SV2C: variants seen among roughly 807,000 people sequenced by gnomAD.
SV2C encodes the protein synaptic vesicle glycoprotein 2C, also known as solute carrier family 22 member B3.
SV2C carries 49 observed loss-of-function variants against 79.7 expected under a neutral mutation model. The observed-to-expected ratio is 0.61, with a 90% CI of 0.49 to 0.78. The LOEUF is 0.78. Ranked by LOEUF, SV2C falls within the 30% of genes least tolerant of loss-of-function variation. The pLI is 0.00. For missense variants in SV2C, 833 were observed against 912.9 expected (o/e 0.91, Z 1.13); for synonymous variants, 334 against 333.2 (o/e 1.00, Z -0.03).
At chr5:76,184,748 A>C (rs1249151207) in intron 2 of SV2C, among the ~76,000 whole-genome samples, 2 of 152,168 alleles carry the variant, frequency 1.3e-5, no homozygotes, top group African/African-American at 4.8e-5. Flanking sequence ...CACCCTTGAC[A>C]CGTGGGGATT....
At chr5:76,227,591 G>A (rs935138891) in intron 4 of SV2C, among the ~76,000 whole-genome samples, 2 of 152,176 alleles carry the variant, frequency 1.3e-5, no homozygotes, top group African/African-American at 4.8e-5. Flanking sequence ...GGCCAGAGCT[G>A]AAGTCTTAGT....
At chr5:76,048,813 GAAA>G in the SV2C span, among the ~76,000 whole-genome samples, 32,190 of 122,458 alleles carry the variant, frequency 0.26, 4,876 homozygotes, top group East Asian at 0.49. Context: ...TCCAGATTGT[GAAA>G]AAAAAAAAAA....
At chr5:75,905,448 T>C in the SV2C span, among the ~76,000 whole-genome samples, 4 of 152,064 alleles carry the variant, frequency 2.6e-5, no homozygotes, top group African/African-American at 9.7e-5. Flanking sequence ...ACTGGAAAAA[T>C]AAATAGCAGC....
At chr5:75,940,671 G>A in the SV2C span, among the ~76,000 whole-genome samples, 2 of 152,190 alleles carry the variant, frequency 1.3e-5, no homozygotes, top group Non-Finnish European at 1.5e-5. Flanking sequence ...GAGTTGACTT[G>A]TACCAAATCG....
chr5:75,993,389 G>A, the SV2C span, among the ~76,000 whole-genome samples: 9 of 151,984 alleles, frequency 5.9e-5, no homozygotes, highest in Non-Finnish European at 1.2e-4. Flanking sequence ...CTGTACTCAA[G>A]GGAGCGGGGA....
chr5:76,315,190 A>G (rs76547779), intron 12 of SV2C, among the ~76,000 whole-genome samples: 1,452 of 81,704 alleles, frequency 0.018, 8 homozygotes, highest in African/African-American at 0.035. Context: ...GGCCAGGCGC[A>G]CACACACACA....
At chr5:76,049,025 A>AAGAAAGAG in the SV2C span, among the ~76,000 whole-genome samples, 13 of 48,156 alleles carry the variant, frequency 2.7e-4, no homozygotes, top group Non-Finnish European at 1.5e-4. Context: ...GAAAGAAAGA[A>AAGAAAGAG]AAAGAAAAGA....
At chr5:75,929,726 A>G in the SV2C span, among the ~76,000 whole-genome samples, 2 of 152,192 alleles carry the variant, frequency 1.3e-5, no homozygotes. Flanking sequence ...GAGCTTCTAC[A>G]TGCCAGCTAC....
rs193012273 is a variant in SV2C at position 76,203,958 on chromosome 5, A to G, written c.762-5778A>G. Among the ~76,000 whole-genome samples, 5 of 152,306 alleles carry G rather than the reference A, an allele frequency of 3.3e-5. No individual in the cohort carries two copies. In the East Asian group the frequency reaches 5.8e-4, roughly 18 times the overall value. On this transcript the variant is annotated intron_variant, in intron 3 of 12. Coordinates refer to ENST00000502798, the MANE Select transcript of SV2C (RefSeq NM_014979.4). ...CAGTATGTGTTTTTCTCCCATTTCT[A>G]TCTTTATCACTGATAGCAAACATGT...
At chr5:76,340,755 A>G (rs1749425917) in intron 12 of SV2C, among the ~76,000 whole-genome samples, 1 of 152,124 alleles carries the variant, frequency 6.6e-6, no homozygotes, top group African/African-American at 2.4e-5. Context: ...CAAATTTTCT[A>G]GTTTTGCAAA....
chr5:75,967,071 T>G, the SV2C span, among the ~76,000 whole-genome samples: 1 of 152,204 alleles, frequency 6.6e-6, no homozygotes, highest in East Asian at 1.9e-4. Context: ...CAATTGCTCA[T>G]GCCTGTAATC....
the SV2C span, among the ~76,000 whole-genome samples, chr5:75,947,813 T>C: frequency 6.6e-6 from 1 of 152,038 alleles, no homozygotes; most frequent in Non-Finnish European, 1.5e-5. Flanking sequence ...CTCGGCATTA[T>C]TGGACTAAAT....
chr5:75,962,465 T>C, the SV2C span, among the ~76,000 whole-genome samples: 1 of 152,058 alleles, frequency 6.6e-6, no homozygotes, highest in African/African-American at 2.4e-5. Flanking sequence ...ACTGGAAAAA[T>C]CTGAGGGTAC....
the SV2C span, among the ~76,000 whole-genome samples, chr5:76,034,874 G>A: frequency 6.6e-6 from 1 of 152,150 alleles, no homozygotes; most frequent in African/African-American, 2.4e-5. Context: ...GAATCCATCT[G>A]GTCCTGGACT....
rs536188444 is a variant in SV2C, at chr5:76,267,721, A to G, written c.914-17441A>G. Among the ~76,000 whole-genome samples, 28 of 152,240 alleles carry G rather than the reference A, an allele frequency of 1.8e-4. 1 individual carries two copies. Among genetic ancestry groups the G allele is most frequent in the Admixed American group, 1.4e-3 (22 of 15,288 alleles). On this transcript the variant is annotated intron_variant, in intron 4 of 12. Transcript: ENST00000502798. ...GCAAGATACAAGTCGGGGAAGCTCT[A>G]AAAGTGACATTTGATGTGGCTTCTG...
chr5:75,986,084 G>A, the SV2C span, among the ~76,000 whole-genome samples: 4 of 148,086 alleles, frequency 2.7e-5, no homozygotes, highest in African/African-American at 7.4e-5. Context: ...TACTAAAGTC[G>A]GTTGTGGTAG....
chr5:76,182,959 CAGAGAGAG>C (rs58651320), intron 2 of SV2C, among the ~76,000 whole-genome samples: 17 of 141,408 alleles, frequency 1.2e-4, no homozygotes, highest in Admixed American at 7.2e-5. Flanking sequence ...GAGAGAGAGA[CAGAGAGAG>C]AGAGAGAGAG....
At chr5:75,910,708 C>T in the SV2C span, 1 of 1,351,168 alleles carries the variant, frequency 7.4e-7, no homozygotes, top group Non-Finnish European at 1.1e-6. Flanking sequence ...AAGAGTTCAA[C>T]AAAGCCCAGA....
In SV2C at chr5:76,327,592, G is replaced by A. The variant is rs74764279; in HGVS notation, c.*2045G>A. On this transcript the variant is annotated 3_prime_UTR_variant, in exon 13 of 13. Coordinates refer to ENST00000502798, the MANE Select transcript of SV2C (RefSeq NM_014979.4). ...TCTTTAAAAAGACATTTGGGGACCT[G>A]AGCAGGTCTTTTAGTTGAATGCAGC... 1 of 152,286 alleles carries A rather than the reference G, an allele frequency of 6.6e-6. No homozygotes were observed. Among genetic ancestry groups the A allele is most frequent in the Non-Finnish European group, 1.5e-5 (1 of 68,016 alleles). 9.4% of individuals were successfully genotyped at this position (152,286 alleles called of 1,614,324 possible).
Sources: allele counts gnomAD v4.1 joint callset (sites outside exome capture counted in the v4.1 genomes callset), GRCh38; gene constraint gnomAD v4.1.1; transcripts MANE v1.5; gene names NCBI Gene and HGNC (gene_info 2026-07-23, HGNC 2026-07-21).